SHROOM2: variants seen among roughly 807,000 people sequenced by gnomAD.
SHROOM2 encodes the protein protein Shroom2.
A neutral mutation model predicts 75.9 loss-of-function variants in SHROOM2; 33 were observed. The ratio of observed to expected loss-of-function variants is 0.43; its 90% CI spans 0.33 to 0.58. The LOEUF (loss-of-function observed/expected upper bound fraction) is 0.58. Ranked by LOEUF, SHROOM2 falls within the 20% of genes least tolerant of loss-of-function variation. The pLI is 0.04. For synonymous variants in SHROOM2, 655 were observed against 663.6 expected, an observed-to-expected ratio of 0.99 and a Z score of 0.20; for missense variants, 1,434 against 1,461.2, an observed-to-expected ratio of 0.98 and a Z score of 0.30.
chrX:9,935,235 G>T (rs1187372314), intron 6 of SHROOM2, among the ~76,000 whole-genome samples: 3 of 111,366 alleles, frequency 2.7e-5, no homozygotes, highest in Non-Finnish European at 3.8e-5. Context: ...GAGCCGGGGG[G>T]GCGGGGGTGA....
chrX:9,862,508 C>A (rs1391499215), intron 1 of SHROOM2, among the ~76,000 whole-genome samples: 1 of 110,920 alleles, frequency 9.0e-6, no homozygotes, highest in Non-Finnish European at 1.9e-5. Flanking sequence ...GGTGGAAAGC[C>A]ACCGAGGAAT....
At chrX:9,841,406 CTT>C (rs1160507904) in intron 1 of SHROOM2, among the ~76,000 whole-genome samples, 1 of 112,070 alleles carries the variant, frequency 8.9e-6, no homozygotes, top group East Asian at 2.8e-4. Flanking sequence ...TGCCTTCTCT[CTT>C]TGGCTTACAT....
intron 2 of SHROOM2, among the ~76,000 whole-genome samples, chrX:9,886,707 T>C (rs1448416072): frequency 9.0e-6 from 1 of 111,141 alleles, no homozygotes; most frequent in East Asian, 2.8e-4. Context: ...TTTGTCCTTT[T>C]GTAACTGTCT....
At chrX:9,930,646 A>G (rs750504937) in intron 5 of SHROOM2, among the ~76,000 whole-genome samples, 20 of 112,203 alleles carry the variant, frequency 1.8e-4, no homozygotes, top group Non-Finnish European at 3.4e-4. Context: ...TCAGAATGCA[A>G]ATCAGTTTGG....
rs1052180387 is a variant in SHROOM2 at position 9,930,086 on chromosome X, C to A, written c.2892-2089C>A. Among the ~76,000 whole-genome samples the A allele has an allele frequency of 2.7e-5, 3 of 111,744 alleles. No homozygotes were observed. In the Admixed American group the frequency reaches 2.9e-4, roughly 11 times the overall value. On this transcript the variant is annotated intron_variant, in intron 5 of 9. Transcript: ENST00000380913. ...TCTTTATCAGCAGCGTGAAAACGAA[C>A]TAATACCTGGCGCTTTTAAATAACA...
At chrX:9,884,151 G>A (rs2084246775) in intron 2 of SHROOM2, among the ~76,000 whole-genome samples, 1 of 111,022 alleles carries the variant, frequency 9.0e-6, no homozygotes, top group Non-Finnish European at 1.9e-5. Flanking sequence ...CCAGGCAGGG[G>A]GACCAGGTGG....
intron 2 of SHROOM2, among the ~76,000 whole-genome samples, chrX:9,877,387 C>T (rs1326810727): frequency 9.0e-6 from 1 of 111,082 alleles, no homozygotes; most frequent in Non-Finnish European, 1.9e-5. Flanking sequence ...GGGTGCTGCC[C>T]AGGAGTCAGA....
In SHROOM2 at chrX:9,939,209, G is replaced by A; in HGVS notation, c.4154G>A (p.Ser1385Asn). ...CCTTTACCCAGGAAAGAGGAGCCCA[G>A]CGTGCCTGCGGCCGTGTCCCTGGCC... ...RSTEERKEEP[S>N]VPAAVSLATN... is the part of the protein sequence containing the mutation. Residue 1385 changes from serine (S) to asparagine (N), a missense_variant, in exon 8 of 10, where the codon AGC (serine) becomes AAC (asparagine). Physicochemically the swap from Ser to Asn is conservative, Grantham distance 46. Around this residue, in one of 3 missense-constraint regions of SHROOM2, gnomAD observed 1,340 missense variants for 1,338.3 expected, o/e 1.00. Transcript: ENST00000380913. 8.3e-7 allele frequency: 1 copy of A among 1,206,364 alleles called. No homozygotes were observed. Among genetic ancestry groups the A allele is most frequent in the Non-Finnish European group, 1.1e-6 (1 of 892,940 alleles).
At position 9,940,264 on chromosome X, in the gene SHROOM2, C is replaced by G. The variant is rs774255829; in HGVS notation, c.4311+898C>G. ...CATGTTCGGTTTTTCCACACAGAAC[C>G]AGGAAAATCATACCATCTGGACCAT... On this transcript the variant is annotated intron_variant, in intron 8 of 9. Transcript: ENST00000380913. Among the ~76,000 whole-genome samples the G allele has an allele frequency of 2.7e-5, 3 of 112,127 alleles. No individual in the cohort carries two copies. The East Asian group carries it at 8.4e-4, about 31-fold the overall frequency.
chrX:9,893,802 A>G (rs1156834772), intron 3 of SHROOM2, among the ~76,000 whole-genome samples: 1 of 109,678 alleles, frequency 9.1e-6, no homozygotes, highest in Non-Finnish European at 1.9e-5. Flanking sequence ...AAATACAACA[A>G]AATTAGCCGG....
rs58004470 is a variant in SHROOM2 at position 9,787,992 on chromosome X, C to CTTTTTTTTTTTTTT, written c.165+1294_165+1295insTTTTTTTTTTTTTT. 1.6e-3 allele frequency among the ~76,000 whole-genome samples: 132 copies of CTTTTTTTTTTTTTT among 84,169 alleles called. 1 individual carries two copies. The highest frequency in any genetic ancestry group is 5.1e-3 in the African/African-American group (121 of 23,749). 73.1% of individuals were successfully genotyped at this position (84,169 alleles called of 115,157 possible). ...CTTTTCTTTTCTTTCTTTCTTTCTT[C>CTTTTTTTTTTTTTT]TTTTTTTTTTTTGAGACAGGGTCTT... is the stretch of plus-strand genomic sequence containing the variant. On this transcript the variant is annotated intron_variant, in intron 1 of 9. Coordinates refer to ENST00000380913, the MANE Select transcript of SHROOM2 (RefSeq NM_001649.4).
chrX:9,837,858 G>A (rs1038355226), intron 1 of SHROOM2, among the ~76,000 whole-genome samples: 3 of 110,693 alleles, frequency 2.7e-5, no homozygotes, highest in Admixed American at 9.6e-5. Flanking sequence ...TGGGCCAGGC[G>A]GGGTGCCTTC....
intron 6 of SHROOM2, 119 bp from the exon 7 acceptor site, chrX:9,937,015 G>C: frequency 1.4e-6 from 1 of 717,861 alleles, no homozygotes; most frequent in Non-Finnish European, 2.0e-6. Context: ...CTTCGAGTTG[G>C]GTGGCTGGCT....
chrX:9,810,407 C>T (rs5979181), intron 1 of SHROOM2, among the ~76,000 whole-genome samples: 10,077 of 110,918 alleles, frequency 0.091, 1,084 homozygotes, highest in African/African-American at 0.31. Context: ...AGTTCCATTG[C>T]GGAGTAGTAG....
chrX:9,837,868 C>T (rs1194622274), intron 1 of SHROOM2, among the ~76,000 whole-genome samples: 2 of 110,740 alleles, frequency 1.8e-5, no homozygotes, highest in African/African-American at 3.3e-5. Flanking sequence ...GGGGTGCCTT[C>T]GCTAGGGCAC....
At chrX:9,942,177 T>C (rs183208724) in intron 8 of SHROOM2, among the ~76,000 whole-genome samples, 1 of 111,059 alleles carries the variant, frequency 9.0e-6, no homozygotes, top group Non-Finnish European at 1.9e-5. Flanking sequence ...AGCTGTGAGA[T>C]TCTCAACTTA....
At chrX:9,797,129 T>A (rs971553257) in intron 1 of SHROOM2, among the ~76,000 whole-genome samples, 1 of 112,347 alleles carries the variant, frequency 8.9e-6, no homozygotes, top group African/African-American at 3.2e-5. Flanking sequence ...CCTTGTTGCC[T>A]CCTCCTCTCA....
chrX:9,932,986 C>CTTA (rs199939677), intron 6 of SHROOM2, 116 bp downstream of exon 6: 9,256 of 583,340 alleles, frequency 0.016, 75 homozygotes, highest in Non-Finnish European at 0.02. Flanking sequence ...AGGCGTTGGA[C>CTTA]TTAAAGTCAG....
At chrX:9,826,423 A>T (rs986023613) in intron 1 of SHROOM2, among the ~76,000 whole-genome samples, 16 of 110,490 alleles carry the variant, frequency 1.4e-4, no homozygotes, top group African/African-American at 5.3e-4. Context: ...CTTTTTTTTT[A>T]ATCTCTATTT....
Sources: allele counts gnomAD v4.1 joint callset (sites outside exome capture counted in the v4.1 genomes callset), GRCh38; gene constraint gnomAD v4.1.1; regional missense constraint gnomAD v4.1.1; transcripts MANE v1.5; gene names NCBI Gene and HGNC (gene_info 2026-07-23, HGNC 2026-07-21).